The following DNAH7 variants were observed in gnomAD, a reference collection of about 807,000 sequenced individuals.
DNAH7 encodes axonemal beta dynein heavy chain 7.
Under a neutral mutation model 444.6 loss-of-function variants are expected in DNAH7, and 397 were observed. That is an observed-to-expected ratio of 0.89 (90% confidence interval 0.82 to 0.97). The LOEUF (loss-of-function observed/expected upper bound fraction) is 0.97. DNAH7 is among the 50% of genes least tolerant of loss of function. The pLI is 0.00. For missense variants in DNAH7, 4,902 were observed against 4,800.8 expected, an observed-to-expected ratio of 1.02 and a Z score of -0.62; for synonymous variants, 1,636 against 1,624.4, an observed-to-expected ratio of 1.01 and a Z score of -0.17.
At chr2:195,987,806 C>T (rs1693022050) in intron 13 of DNAH7, 151 bp downstream of exon 13, 2 of 769,094 alleles carry the variant, frequency 2.6e-6, no homozygotes, top group South Asian at 4.7e-5. Flanking sequence ...CAGGGCTTAC[C>T]ACAATGCTAG....
At chr2:195,740,607 G>A (rs961166970) in intron 64 of DNAH7, among the ~76,000 whole-genome samples, 159 bp downstream of exon 64, 1,272 of 54,854 alleles carry the variant, frequency 0.023, 24 homozygotes, top group African/African-American at 0.074. Flanking sequence ...GTGTGTGTGT[G>A]TGTGTGTGTA....
At position 195,808,572 on chromosome 2, in the gene DNAH7, CAT is replaced by C. The variant is rs1263290641; in HGVS notation, c.10083+108_10083+109del. 5 of 1,315,276 alleles carry C rather than the reference CAT, an allele frequency of 3.8e-6. No homozygotes were observed. The African/African-American group carries it at 4.5e-5, about 12-fold the overall frequency. The allele number at this position is 1,315,276 out of a possible 1,614,324, so 81.5% of individuals were successfully genotyped here. A position where few individuals can be genotyped will look rare whatever the true frequency, so the allele number is the denominator to read the frequency against. ...ACATAAATCAAAATTTGCATTCTAA[CAT>C]GTGACCAGTTGTTTAAAGCTTATTT... On this transcript the variant is annotated intron_variant, in intron 53 of 64. Transcript: ENST00000312428.
chr2:195,815,749 T>C (rs1697187032), intron 51 of DNAH7, among the ~76,000 whole-genome samples: 1 of 152,186 alleles, frequency 6.6e-6, no homozygotes, highest in Non-Finnish European at 1.5e-5. Flanking sequence ...ACGCCTGTAA[T>C]CCCAGCATTT....
In DNAH7 at chr2:195,787,169, C is replaced by G. The variant is rs1334536771; in HGVS notation, c.10719G>C (p.Glu3573Asp). Residue 3573 changes from glutamate to aspartate, a missense_variant and splice_region_variant, in exon 58 of 65, where the codon GAG becomes GAC. Coordinates refer to ENST00000312428, the MANE Select transcript of DNAH7 (RefSeq NM_018897.3). ...PEFFGSCKKP[E>D]EFKKLLYGLC... ...GGCCATAAAGCAATTTCTTGAATTC[C>G]TCCTGTAATGAGAAGAAATGATGCC... 3.1e-6 allele frequency: 5 copies of G among 1,594,348 alleles called. No homozygotes were observed. Among genetic ancestry groups the G allele is most frequent in the Non-Finnish European group, 4.3e-6 (5 of 1,174,098 alleles).
At chr2:195,998,765 G>A (rs1169996099) in intron 12 of DNAH7, 1 of 205,148 alleles carries the variant, frequency 4.9e-6, no homozygotes, top group Non-Finnish European at 9.7e-6. Context: ...TGTTTCTTGA[G>A]AGACTTCTAT....
chr2:195,932,505 G>C (rs1688767206), intron 21 of DNAH7, among the ~76,000 whole-genome samples: 1 of 152,030 alleles, frequency 6.6e-6, no homozygotes, highest in African/African-American at 2.4e-5. Flanking sequence ...GTTTTCAAAG[G>C]GAATGCTTCT....
intron 58 of DNAH7, among the ~76,000 whole-genome samples, chr2:195,780,629 T>C (rs1024767226): frequency 2.0e-5 from 3 of 151,918 alleles, no homozygotes; most frequent in African/African-American, 7.3e-5. Context: ...CAAGCACCTG[T>C]AACCCCAGCT....
intron 17 of DNAH7, among the ~76,000 whole-genome samples, chr2:195,963,099 T>C (rs1480966698): frequency 1.5e-4 from 23 of 152,260 alleles, no homozygotes; most frequent in Admixed American, 1.5e-3. Context: ...CTCTTTGATA[T>C]CTTGACTTCC....
intron 1 of DNAH7, among the ~76,000 whole-genome samples, chr2:196,065,444 T>C (rs981774738): frequency 4.6e-5 from 7 of 152,232 alleles, no homozygotes; most frequent in Non-Finnish European, 8.8e-5. Context: ...TGCATCCATT[T>C]ATAATAATGT....
chr2:196,063,251 A>G (rs1427431413), intron 1 of DNAH7: 1 of 152,216 alleles, frequency 6.6e-6, no homozygotes, highest in Non-Finnish European at 1.5e-5. Flanking sequence ...TACGGAAGGC[A>G]TGTGCTGATA....
intron 45 of DNAH7, among the ~76,000 whole-genome samples, chr2:195,854,916 C>T (rs964346543): frequency 6.6e-6 from 1 of 152,120 alleles, no homozygotes; most frequent in African/African-American, 2.4e-5. Flanking sequence ...AAGATTAGCA[C>T]AATGTCTTAC....
Position 195,813,482 on chromosome 2 carries a change from T to C in DNAH7, c.9761+3146A>G, listed in dbSNP as rs80162637. Among the ~76,000 whole-genome samples, 2,925 of 152,304 alleles carry C rather than the reference T, an allele frequency of 0.019. 230 individuals carry two copies. In the East Asian group the frequency reaches 0.26, roughly 14 times the overall value. ...GATAGCCCACTTGTCTCCAAAGTGC[T>C]GCAGAAGGGTAGGAGCCTAACTTCA... is the stretch of plus-strand genomic sequence containing the variant. On this transcript the variant is annotated intron_variant, in intron 51 of 64. Transcript: ENST00000312428.
chr2:195,970,838 T>A (rs764852806), intron 16 of DNAH7, among the ~76,000 whole-genome samples: 1 of 152,236 alleles, frequency 6.6e-6, no homozygotes, highest in African/African-American at 2.4e-5. Context: ...ATTTATGTCC[T>A]CTTTTCTCTA....
At chr2:195,902,511 G>A (rs1337465941) in intron 27 of DNAH7, 2 of 152,052 alleles carry the variant, frequency 1.3e-5, no homozygotes, top group African/African-American at 4.8e-5. Flanking sequence ...GCCAGTCAAT[G>A]GGGTTAGGGT....
At chr2:195,796,087 G>A (rs1696118317) in intron 56 of DNAH7, among the ~76,000 whole-genome samples, 1 of 152,180 alleles carries the variant, frequency 6.6e-6, no homozygotes, top group South Asian at 2.1e-4. Context: ...CCCACTGCAA[G>A]GTGGGTGGGA....
At chr2:195,936,519 A>G (rs1466299979) in intron 20 of DNAH7, 80 bp downstream of exon 20, 1 of 874,368 alleles carries the variant, frequency 1.1e-6, no homozygotes, top group Admixed American at 3.1e-5. Flanking sequence ...ATGATTATAT[A>G]TATTTATGTT....
chr2:195,924,150 T>C (rs1409794805), intron 22 of DNAH7, among the ~76,000 whole-genome samples: 3 of 152,160 alleles, frequency 2.0e-5, no homozygotes, highest in African/African-American at 2.4e-5. Flanking sequence ...CCAATCACAG[T>C]TCTTCCTGGG....
chr2:195,926,602 T>G (rs1688352444), intron 21 of DNAH7, 36 bp from the exon 22 acceptor site: 1 of 1,537,488 alleles, frequency 6.5e-7, no homozygotes, highest in South Asian at 1.3e-5. Context: ...ATTAACCATT[T>G]CCTGAACAAG....
intron 21 of DNAH7, among the ~76,000 whole-genome samples, chr2:195,928,170 T>A (rs564754206): frequency 2.0e-5 from 3 of 152,134 alleles, no homozygotes; most frequent in Admixed American, 1.3e-4. Flanking sequence ...TGAGAACACA[T>A]GGTATTTGGT....
Sources: allele counts gnomAD v4.1 joint callset (sites outside exome capture counted in the v4.1 genomes callset), GRCh38; gene constraint gnomAD v4.1.1; transcripts MANE v1.5; gene names NCBI Gene and HGNC (gene_info 2026-07-23, HGNC 2026-07-21).